GALNT17: variants seen among roughly 807,000 people sequenced by gnomAD.
The protein encoded by GALNT17 is UDP-GalNAc:polypeptide N-acetylgalactosaminyltransferase-like 3.
A neutral mutation model predicts 63.7 loss-of-function variants in GALNT17; 29 were observed. The ratio of observed to expected loss-of-function variants is 0.46; its 90% confidence interval spans 0.34 to 0.62. The LOEUF is 0.62. GALNT17 is among the 20% of genes least tolerant of loss of function. GALNT17 has a pLI of 0.01. For missense variants in GALNT17, 603 were observed against 799.6 expected, an observed-to-expected ratio of 0.75 and a Z score of 2.97; for synonymous variants, 305 against 318.3, an observed-to-expected ratio of 0.96 and a Z score of 0.45.
Position 71,684,979 on chromosome 7 carries a change from T to A in GALNT17, c.1500+7673T>A, listed in dbSNP as rs74832822. 5.1e-3 allele frequency among the ~76,000 whole-genome samples: 652 copies of A among 127,036 alleles called. 21 individuals carry two copies. Among genetic ancestry groups the A allele is most frequent in the Admixed American group, 0.039 (446 of 11,490 alleles). 83.3% of individuals were successfully genotyped at this position (127,036 alleles called of 152,430 possible). A position where few individuals can be genotyped will look rare whatever the true frequency, so the allele number is the denominator to read the frequency against. ...CTTGCCTGGCACCACCTGCTTTTTTTTTATTATTATTATTAATGAGAACAT... is the reference window on the plus strand; with the variant it reads ...CTTGCCTGGCACCACCTGCTTTTTTATTATTATTATTATTAATGAGAACAT... On this transcript the variant is annotated intron_variant, in intron 9 of 10. Coordinates refer to ENST00000333538, the MANE Select transcript of GALNT17 (RefSeq NM_022479.3).
chr7:71,537,609 C>G (rs1225295144), intron 5 of GALNT17, among the ~76,000 whole-genome samples: 1 of 152,026 alleles, frequency 6.6e-6, no homozygotes, highest in Non-Finnish European at 1.5e-5. Context: ...GTCAGGAGTT[C>G]AAGACCAGCC....
At chr7:71,360,670 T>C (rs1168145044) in intron 2 of GALNT17, among the ~76,000 whole-genome samples, 1 of 152,178 alleles carries the variant, frequency 6.6e-6, no homozygotes. Context: ...CAGTGGCTCA[T>C]GCCTGTAATC....
intron 1 of GALNT17, among the ~76,000 whole-genome samples, chr7:71,273,954 G>A (rs1400304105): frequency 6.6e-6 from 1 of 152,096 alleles, no homozygotes; most frequent in Non-Finnish European, 1.5e-5. Flanking sequence ...CTCATTTCAG[G>A]GATGTGCACC....
intron 5 of GALNT17, among the ~76,000 whole-genome samples, chr7:71,455,062 GGAGGCT>G (rs1563105469): frequency 1.3e-5 from 2 of 152,152 alleles, no homozygotes; most frequent in South Asian, 4.2e-4. Context: ...CAGCTACTCA[GGAGGCT>G]GAGATGGGCC....
chr7:71,198,577 T>C (rs911386999), intron 1 of GALNT17, among the ~76,000 whole-genome samples: 33 of 152,234 alleles, frequency 2.2e-4, no homozygotes, highest in Admixed American at 2.0e-3. Flanking sequence ...CAGCTGACAC[T>C]AGCTGACGCT....
At chr7:71,635,009 C>A (rs998635556) in intron 6 of GALNT17, among the ~76,000 whole-genome samples, 2 of 151,790 alleles carry the variant, frequency 1.3e-5, no homozygotes, top group African/African-American at 2.4e-5. Flanking sequence ...GAGTTCAAGA[C>A]CAGCCTGGCC....
At chr7:71,405,302 CTCTGTCTTAGTCCA>C (rs1038564654) in intron 3 of GALNT17, among the ~76,000 whole-genome samples, 3 of 152,102 alleles carry the variant, frequency 2.0e-5, no homozygotes, top group African/African-American at 7.2e-5. Flanking sequence ...GTTGCTGGCC[CTCTGTCTTAGTCCA>C]TTTGGGGACT....
intron 6 of GALNT17, among the ~76,000 whole-genome samples, chr7:71,650,903 C>G (rs919927387): frequency 1.3e-5 from 2 of 152,134 alleles, no homozygotes; most frequent in Admixed American, 6.6e-5. Context: ...GCAGTGACAT[C>G]CATGTCTAAA....
chr7:71,675,757 C>A (rs1230922937), intron 8 of GALNT17, among the ~76,000 whole-genome samples: 1 of 152,178 alleles, frequency 6.6e-6, no homozygotes, highest in Non-Finnish European at 1.5e-5. Flanking sequence ...GAGGCCAAGG[C>A]AGGTGGATCA....
At chr7:71,424,076 G>A (rs1019843018) in intron 5 of GALNT17, among the ~76,000 whole-genome samples, 11 of 152,196 alleles carry the variant, frequency 7.2e-5, no homozygotes, top group African/African-American at 1.7e-4. Flanking sequence ...CTGTCTTGTG[G>A]CTCAGCTCCC....
chr7:71,335,871 C>T (rs771718952), intron 2 of GALNT17, 138 bp downstream of exon 2: 7 of 714,386 alleles, frequency 9.8e-6, no homozygotes, highest in Non-Finnish European at 1.4e-5. Flanking sequence ...AATAAATAAA[C>T]TTAGTACTCC....
intron 5 of GALNT17, among the ~76,000 whole-genome samples, chr7:71,556,617 C>T (rs971252616): frequency 2.6e-5 from 4 of 152,164 alleles, no homozygotes; most frequent in South Asian, 2.1e-4. Flanking sequence ...AGTGCAGTGG[C>T]GCTCTGCTCT....
chr7:71,349,403 A>G (rs550080540), intron 2 of GALNT17, among the ~76,000 whole-genome samples: 2 of 152,326 alleles, frequency 1.3e-5, no homozygotes, highest in South Asian at 4.1e-4. Flanking sequence ...TTAATTTAGA[A>G]GAAATTCCGA....
At chr7:71,308,744 GTT>G (rs760443992) in intron 1 of GALNT17, among the ~76,000 whole-genome samples, 12 of 138,730 alleles carry the variant, frequency 8.6e-5, no homozygotes, top group Admixed American at 1.5e-4. Flanking sequence ...TTTCTCTTTA[GTT>G]TTTTTTTTTT....
intron 1 of GALNT17, among the ~76,000 whole-genome samples, chr7:71,324,482 C>G (rs1409329202): frequency 2.0e-5 from 3 of 152,104 alleles, no homozygotes; most frequent in Non-Finnish European, 4.4e-5. Context: ...TTAACTTGGT[C>G]TCTACTAAAA....
At chr7:71,463,271 A>G (rs1033667378) in intron 5 of GALNT17, among the ~76,000 whole-genome samples, 2 of 152,240 alleles carry the variant, frequency 1.3e-5, no homozygotes, top group African/African-American at 4.8e-5. Flanking sequence ...CTAACATCAG[A>G]GACCTTATAT....
intron 1 of GALNT17, among the ~76,000 whole-genome samples, chr7:71,299,532 T>C (rs898369003): frequency 1.1e-4 from 16 of 152,158 alleles, no homozygotes; most frequent in Non-Finnish European, 4.4e-5. Flanking sequence ...CAGTCTCAGT[T>C]TTCAGTTTTC....
chr7:71,399,659 CT>C (rs1271065387), intron 3 of GALNT17, among the ~76,000 whole-genome samples: 1 of 152,058 alleles, frequency 6.6e-6, no homozygotes, highest in African/African-American at 2.4e-5. Flanking sequence ...TCATCTTATT[CT>C]GAAAGTTTTA....
chr7:71,388,272 A>G lies in GALNT17; in HGVS notation c.460A>G (p.Ile154Val), dbSNP rs1266563303. 1.2e-6 allele frequency: 2 copies of G among 1,613,876 alleles called. No individual in the cohort carries two copies. Among genetic ancestry groups the G allele is most frequent in the Non-Finnish European group, 1.7e-6 (2 of 1,179,996 alleles). The stretch of plus-strand genomic sequence containing the variant: ...CAAGTACTCCAAGGACCTGCCCCAG[A>G]TATCCATCATATTCATCTTCGTGAA... ...ELKYSKDLPQISIIFIFVNEA... is the reference protein window; with the variant it reads ...ELKYSKDLPQVSIIFIFVNEA... Residue 154 changes from isoleucine (I) to valine (V), a missense_variant, in exon 3 of 11, where the codon ATA becomes GTA. Ile to Val is a conservative substitution (Grantham distance 29, BLOSUM62 3). This residue lies in a region of GALNT17 where 195 missense variants were observed against 215.0 expected (regional missense o/e 0.91). Transcript: ENST00000333538.
Sources: allele counts gnomAD v4.1 joint callset (sites outside exome capture counted in the v4.1 genomes callset), GRCh38; gene constraint gnomAD v4.1.1; regional missense constraint gnomAD v4.1.1; transcripts MANE v1.5; gene names NCBI Gene and HGNC (gene_info 2026-07-23, HGNC 2026-07-21).